The following PCDHA12 variants were observed in gnomAD, a reference collection of about 807,000 sequenced individuals.
PCDHA12 encodes the protein protocadherin alpha 12.
A neutral mutation model predicts 60.0 loss-of-function variants in PCDHA12; 44 were observed. The ratio of observed to expected loss-of-function variants is 0.73; its 90% confidence interval spans 0.58 to 0.94. PCDHA12 has a LOEUF of 0.94. Among genes scored for constraint, PCDHA12 ranks in the 40% least tolerant of loss-of-function variants. PCDHA12 has a pLI of 0.00. For missense variants in PCDHA12, 1,276 were observed against 1,239.7 expected, an observed-to-expected ratio of 1.03 and a Z score of -0.44; for synonymous variants, 569 against 553.0, an observed-to-expected ratio of 1.03 and a Z score of -0.40.
At chr5:140,931,440 AT>A (rs2153608083) in intron 1 of PCDHA12, among the ~76,000 whole-genome samples, 1 of 141,482 alleles carries the variant, frequency 7.1e-6, no homozygotes, top group South Asian at 2.3e-4. Flanking sequence ...AAAATTAGCT[AT>A]TTAAAAGGAA....
intron 1 of PCDHA12, among the ~76,000 whole-genome samples, chr5:140,954,141 T>C (rs1344784554): frequency 2.0e-5 from 3 of 152,208 alleles, no homozygotes; most frequent in Non-Finnish European, 4.4e-5. Flanking sequence ...TGCATAGTAT[T>C]CCATGGTGTA....
intron 1 of PCDHA12, among the ~76,000 whole-genome samples, chr5:140,901,055 A>G (rs1454535703): frequency 6.6e-6 from 1 of 152,088 alleles, no homozygotes; most frequent in African/African-American, 2.4e-5. Context: ...AAATTAGATT[A>G]TTAGATTTTT....
chr5:140,883,575 G>C (rs782472492), intron 1 of PCDHA12: 87 of 1,613,954 alleles, frequency 5.4e-5, no homozygotes, highest in Non-Finnish European at 7.4e-5. Context: ...CCTTCGCTGT[G>C]GGCCACGGCC....
At chr5:140,941,214 C>CCTTTCTTTCTTCCTTTCTTT (rs2092876516) in intron 1 of PCDHA12, among the ~76,000 whole-genome samples, 18 of 122,412 alleles carry the variant, frequency 1.5e-4, no homozygotes, top group Non-Finnish European at 2.9e-4. Context: ...TTTCTTTCTT[C>CCTTTCTTTCTTCCTTTCTTT]CTTTCTTTCT....
At chr5:140,953,333 G>T (rs1164031991) in intron 1 of PCDHA12, among the ~76,000 whole-genome samples, 1 of 151,962 alleles carries the variant, frequency 6.6e-6, no homozygotes, top group East Asian at 1.9e-4. Flanking sequence ...TAGAATTTAG[G>T]GCTCACCTTC....
At chr5:140,884,003 G>T (rs781845787) in intron 1 of PCDHA12, 2 of 1,612,968 alleles carry the variant, frequency 1.2e-6, no homozygotes, top group Non-Finnish European at 8.5e-7. Flanking sequence ...CACAGTGAGC[G>T]AGCTGATGCC....
At chr5:140,952,960 T>C (rs1195156838) in intron 1 of PCDHA12, among the ~76,000 whole-genome samples, 3 of 151,932 alleles carry the variant, frequency 2.0e-5, no homozygotes, top group Non-Finnish European at 4.4e-5. Flanking sequence ...GGGGAAGTGA[T>C]ACACACTTTT....
chr5:140,965,012 C>T (rs1405445486), intron 1 of PCDHA12, among the ~76,000 whole-genome samples: 2 of 152,188 alleles, frequency 1.3e-5, no homozygotes, highest in African/African-American at 4.8e-5. Flanking sequence ...GTCAGGATCA[C>T]AACCTTGGCT....
chr5:140,918,473 T>G (rs1385942505), intron 1 of PCDHA12, among the ~76,000 whole-genome samples: 1 of 152,284 alleles, frequency 6.6e-6, no homozygotes, highest in East Asian at 1.9e-4. Context: ...ATTCCAAGTC[T>G]CAAGGGGAAT....
At chr5:140,967,047 T>C in intron 1 of PCDHA12, 5 of 1,612,444 alleles carry the variant, frequency 3.1e-6, no homozygotes, top group Non-Finnish European at 4.2e-6. Flanking sequence ...GAGCTGGACC[T>C]GACGAGTGGA....
chr5:141,009,239 G>T (rs1416549332), intron 3 of PCDHA12, among the ~76,000 whole-genome samples: 2 of 152,186 alleles, frequency 1.3e-5, no homozygotes, highest in Admixed American at 1.3e-4. Context: ...AGGATCTCTT[G>T]AGCTTCAGTG....
rs368334312 is a variant in PCDHA12 at position 140,876,999 on chromosome 5, G to A, written c.1527G>A (p.Ser509=). The A allele has an allele frequency of 1.6e-5, 26 of 1,612,428 alleles. No homozygotes were observed. In the African/African-American group the frequency reaches 3.1e-4, roughly 19 times the overall value. The part of the protein sequence containing the change: ...VGEHALSSYV[S]VHAESGKVYA... ...AGCACGCACTGTCGAGCTACGTGTC[G>A]GTGCACGCGGAGAGCGGCAAGGTGT... Residue 509 remains serine (S), a synonymous_variant, in exon 1 of 4, where the codon TCG becomes TCA. Coordinates refer to ENST00000398631, the MANE Select transcript of PCDHA12 (RefSeq NM_018903.4).
rs1351463699 is a variant in PCDHA12, at chr5:140,875,985, G to A, written c.513G>A (p.Ala171=). The A allele has an allele frequency of 4.3e-6, 7 of 1,613,830 alleles. No homozygotes were observed. Among genetic ancestry groups the A allele is most frequent in the South Asian group, 1.1e-5 (1 of 91,082 alleles). ...GCGTAAACTCTCTTTTGACCTATGC[G>A]TTAAGTCTAAATGAGAATTTTGAGC... is the stretch of plus-strand genomic sequence containing the variant. ...DIGVNSLLTY[A]LSLNENFELK... The change falls in exon 1 of 4, where the codon GCG becomes GCA. Residue 171 remains alanine, a synonymous_variant. Transcript: ENST00000398631.
Position 140,993,501 on chromosome 5 carries a change from C to CAT in PCDHA12, c.2515+10939_2515+10940insTA, listed in dbSNP as rs1159844142. Among the ~76,000 whole-genome samples the CAT allele has an allele frequency of 9.9e-4, 148 of 149,100 alleles. 5 individuals carry two copies. In the East Asian group the frequency reaches 0.024, roughly 24 times the overall value. On this transcript the variant is annotated intron_variant, in intron 3 of 3. Transcript: ENST00000398631. ...ACACACACACACACACACACACACA[C>CAT]ACACACACGGGGAGAGAGAGACAGA...
chr5:140,990,671 C>T (rs2097406151), intron 3 of PCDHA12, among the ~76,000 whole-genome samples: 2 of 152,176 alleles, frequency 1.3e-5, no homozygotes, highest in South Asian at 4.1e-4. Flanking sequence ...ATTAGATGCA[C>T]ACCAAGCTGC....
chr5:140,972,820 C>A (rs1247488574), intron 1 of PCDHA12, among the ~76,000 whole-genome samples: 3 of 151,964 alleles, frequency 2.0e-5, no homozygotes, highest in Admixed American at 6.6e-5. Context: ...CGCGCCACCA[C>A]GCCTGGCTAA....
chr5:140,930,037 GC>G (rs2086548182), intron 1 of PCDHA12: 6 of 152,140 alleles, frequency 3.9e-5, no homozygotes, highest in African/African-American at 1.4e-4. Flanking sequence ...TTTTGTAACT[GC>G]TTTGGAGTTT....
At chr5:140,972,854 G>C (rs895738831) in intron 1 of PCDHA12, among the ~76,000 whole-genome samples, 1 of 151,946 alleles carries the variant, frequency 6.6e-6, no homozygotes, top group African/African-American at 2.4e-5. Context: ...AGTAGAGATG[G>C]GGTTTCATCA....
chr5:140,968,714 G>A, intron 1 of PCDHA12: 1 of 1,614,150 alleles, frequency 6.2e-7, no homozygotes, highest in South Asian at 1.1e-5. Flanking sequence ...GAAGATGGGA[G>A]ATGAGAGTGG....
Sources: gnomAD v4.1 joint callset for allele counts (sites outside exome capture counted in the v4.1 genomes callset) on GRCh38, gnomAD v4.1.1 for gene constraint, MANE v1.5 for transcripts, NCBI Gene and HGNC (gene_info 2026-07-23, HGNC 2026-07-21) for gene names.